The following PRKAR1B variants were observed in gnomAD, a reference collection of about 807,000 sequenced individuals.
PRKAR1B encodes the protein protein kinase cAMP-dependent type I regulatory subunit beta, also known as cAMP-dependent protein kinase type I-beta regulatory subunit.
A neutral mutation model predicts 46.5 loss-of-function variants in PRKAR1B; 22 were observed. The ratio of observed to expected loss-of-function variants is 0.47; its 90% CI spans 0.34 to 0.68. The LOEUF (loss-of-function observed/expected upper bound fraction) is 0.68, where lower values mean the gene tolerates loss of function less well. Among genes scored for constraint, PRKAR1B ranks in the 30% least tolerant of loss-of-function variants. PRKAR1B has a pLI of 0.01. For synonymous variants in PRKAR1B, 259 were observed against 217.7 expected (o/e 1.19, Z -1.67); for missense variants, 445 against 535.6 (o/e 0.83, Z 1.67).
intron 6 of PRKAR1B, among the ~76,000 whole-genome samples, chr7:604,060 G>A (rs1446323460): frequency 6.6e-6 from 1 of 152,184 alleles, no homozygotes; most frequent in Non-Finnish European, 1.5e-5. Flanking sequence ...TGGGCTGCCA[G>A]GGTCTCTCTG....
chr7:693,810 T>C (rs77295437), intron 2 of PRKAR1B, among the ~76,000 whole-genome samples: 5,098 of 152,268 alleles, frequency 0.033, 319 homozygotes, highest in African/African-American at 0.12. Flanking sequence ...TTAACTTTCC[T>C]GGGAAATGCC....
chr7:691,587 G>C, intron 2 of PRKAR1B: 1 of 1,304,328 alleles, frequency 7.7e-7, no homozygotes, highest in Non-Finnish European at 1.0e-6. Flanking sequence ...CAGTCCTTTC[G>C]GACAGCCCAA....
chr7:628,198 C>G (rs902875352), intron 4 of PRKAR1B, among the ~76,000 whole-genome samples: 1 of 152,256 alleles, frequency 6.6e-6, no homozygotes, highest in Non-Finnish European at 1.5e-5. Flanking sequence ...TTTGCTCAAC[C>G]AGACTCAGCG....
chr7:685,345 T>TACACACATACATAC (rs1241892078), intron 2 of PRKAR1B, among the ~76,000 whole-genome samples: 2 of 81,720 alleles, frequency 2.4e-5, no homozygotes, highest in African/African-American at 1.1e-4. Context: ...TACGTATATA[T>TACACACATACATAC]ATGTATACAT....
At chr7:616,596 G>A (rs570988551) in intron 4 of PRKAR1B, among the ~76,000 whole-genome samples, 3 of 152,164 alleles carry the variant, frequency 2.0e-5, no homozygotes, top group African/African-American at 4.8e-5. Flanking sequence ...GGCAGCCATC[G>A]CACAGCGGCT....
rs1326414909 is a variant in PRKAR1B, at chr7:652,362, C to T, written c.440+24867G>A. Reference sequence around the variant, plus strand: ...GTTCACACCCACACAGAGCTAGGAACCTGGGGAAACCCCTCTCGGAAGACA... The same window carrying T: ...GTTCACACCCACACAGAGCTAGGAATCTGGGGAAACCCCTCTCGGAAGACA... On this transcript the variant is annotated intron_variant, in intron 4 of 10. Coordinates refer to ENST00000537384, the MANE Select transcript of PRKAR1B (RefSeq NM_001164760.2). 2.7e-5 allele frequency among the ~76,000 whole-genome samples: 4 copies of T among 150,024 alleles called. No homozygotes were observed. In the South Asian group the frequency reaches 8.5e-4, roughly 32 times the overall value.
chr7:703,577 A>T (rs1172920120), intron 2 of PRKAR1B, among the ~76,000 whole-genome samples: 1 of 151,410 alleles, frequency 6.6e-6, no homozygotes, highest in African/African-American at 2.4e-5. Flanking sequence ...AATGGCACGA[A>T]CCCGGGAGGT....
intron 4 of PRKAR1B, among the ~76,000 whole-genome samples, chr7:620,829 A>G (rs1783072918): frequency 6.6e-6 from 1 of 152,228 alleles, no homozygotes; most frequent in Admixed American, 6.5e-5. Flanking sequence ...CAGTTAAACC[A>G]TGAAAGCCAT....
At chr7:578,541 C>T (rs927335665) in intron 9 of PRKAR1B, among the ~76,000 whole-genome samples, 1 of 152,202 alleles carries the variant, frequency 6.6e-6, no homozygotes, top group African/African-American at 2.4e-5. Flanking sequence ...GCGATGTCCC[C>T]AACAGTGACC....
At chr7:576,448 G>A (rs149256413) in intron 9 of PRKAR1B, among the ~76,000 whole-genome samples, 2,017 of 152,232 alleles carry the variant, frequency 0.013, 63 homozygotes, top group African/African-American at 0.047. Context: ...CCCCCGCAAG[G>A]ACCCCCTTCG....
chr7:706,567 C>T (rs1262351199), intron 2 of PRKAR1B, among the ~76,000 whole-genome samples: 6 of 149,488 alleles, frequency 4.0e-5, no homozygotes, highest in South Asian at 2.1e-4. Flanking sequence ...TACAGGCACC[C>T]GCCACCATGC....
intron 7 of PRKAR1B, among the ~76,000 whole-genome samples, chr7:595,875 T>G (rs1395918992): frequency 2.6e-5 from 4 of 152,098 alleles, no homozygotes; most frequent in Non-Finnish European, 4.4e-5. Flanking sequence ...TGGCCCAACA[T>G]GGCAGCTGGA....
At chr7:572,430 C>T (rs1048673368) in intron 9 of PRKAR1B, among the ~76,000 whole-genome samples, 6 of 152,144 alleles carry the variant, frequency 3.9e-5, no homozygotes, top group African/African-American at 9.7e-5. Flanking sequence ...GAGAGACCCG[C>T]GGGGGTCTCG....
At position 685,279 on chromosome 7, in the gene PRKAR1B, CGTATATATATGTAT is replaced by C. The variant is rs1778963791; in HGVS notation, c.178-4567_178-4554del. 1.3e-3 allele frequency among the ~76,000 whole-genome samples: 26 copies of C among 19,542 alleles called. 2 individuals carry two copies. The highest frequency in any genetic ancestry group is 4.2e-3 in the African/African-American group (24 of 5,712). 12.8% of individuals were successfully genotyped at this position (19,542 alleles called of 152,430 possible). ...ATATATACATATATACGTATATATA[CGTATATATATGTAT>C]ACATATATATATACGTATATATACG... On this transcript the variant is annotated intron_variant, in intron 2 of 10. Transcript: ENST00000537384.
intron 1 of PRKAR1B, chr7:726,913 G>C: frequency 7.4e-7 from 1 of 1,345,916 alleles, no homozygotes; most frequent in East Asian, 3.3e-5. Flanking sequence ...CCCTGCCGCC[G>C]ACCCCACCGC....
chr7:632,945 C>T (rs1021390957), intron 4 of PRKAR1B, among the ~76,000 whole-genome samples: 2 of 152,228 alleles, frequency 1.3e-5, no homozygotes, highest in Non-Finnish European at 2.9e-5. Context: ...CACCAGGTCC[C>T]GGCCGGCTCC....
rs760347775 is a variant in PRKAR1B, at chr7:602,229, C to T, written c.549+3964G>A. Among the ~76,000 whole-genome samples the T allele has an allele frequency of 1.3e-5, 2 of 152,042 alleles. No homozygotes were observed. Among genetic ancestry groups the T allele is most frequent in the African/African-American group, 2.4e-5 (1 of 41,412 alleles). Reference sequence around the variant, plus strand: ...AACGGTCCCTGCTTTGAAGTGGCTCCGGCACCGGCCTCTCCCACCACCCTG... The same window carrying T: ...AACGGTCCCTGCTTTGAAGTGGCTCTGGCACCGGCCTCTCCCACCACCCTG... On this transcript the variant is annotated intron_variant, in intron 6 of 10. Transcript: ENST00000537384. The surrounding 1 kb of genome is among the most constrained non-coding windows in gnomAD (Gnocchi z 6.4).
chr7:673,322 T>TTAAATTCAAGTTAAAA (rs1394673593), intron 4 of PRKAR1B, among the ~76,000 whole-genome samples: 1 of 152,114 alleles, frequency 6.6e-6, no homozygotes, highest in Non-Finnish European at 1.5e-5. Context: ...AAATTGATGT[T>TTAAATTCAAGTTAAAA]TAAATTCAAG....
rs557911553 is a variant in PRKAR1B, at chr7:652,252, G to A, written c.440+24977C>T. On this transcript the variant is annotated intron_variant, in intron 4 of 10. Transcript: ENST00000537384. ...GGAACACAGTTCACACCCACACAGC[G>A]CTAGGAACCTGGGAAAACCCCTCTC... 1.7e-4 allele frequency among the ~76,000 whole-genome samples: 24 copies of A among 144,642 alleles called. No individual in the cohort carries two copies. In the South Asian group the frequency reaches 2.0e-3, roughly 12 times the overall value. The allele number at this position is 144,642 out of a possible 152,430, so 94.9% of individuals were successfully genotyped here. A position where few individuals can be genotyped will look rare whatever the true frequency, so the allele number is the denominator to read the frequency against.
Sources: gnomAD v4.1 joint callset for allele counts (sites outside exome capture counted in the v4.1 genomes callset) on GRCh38, gnomAD v4.1.1 for gene constraint, Gnocchi (gnomAD v3.1) non-coding constraint, MANE v1.5 for transcripts, NCBI Gene and HGNC (gene_info 2026-07-23, HGNC 2026-07-21) for gene names.